The following MRTFB variants were observed in gnomAD, a reference collection of about 807,000 sequenced individuals.
The protein encoded by MRTFB is myocardin-related transcription factor B.
Under a neutral mutation model 104.2 loss-of-function variants are expected in MRTFB, and 29 were observed. The observed-to-expected ratio is 0.28, with a 90% CI of 0.21 to 0.38. The LOEUF (loss-of-function observed/expected upper bound fraction) is 0.38. MRTFB is among the 10% of genes least tolerant of loss of function. The probability of loss-of-function intolerance (pLI) is 1.00; values close to 1 mark genes in which losing one functional copy is unlikely to be tolerated. For synonymous variants in MRTFB, 535 were observed against 519.5 expected, an observed-to-expected ratio of 1.03 and a Z score of -0.41; for missense variants, 1,270 against 1,341.6, an observed-to-expected ratio of 0.95 and a Z score of 0.83.
intron 3 of MRTFB, among the ~76,000 whole-genome samples, chr16:14,154,685 C>CA (rs1269782887): frequency 1.3e-5 from 2 of 152,190 alleles, no homozygotes; most frequent in Non-Finnish European, 1.5e-5. Context: ...AGTCTGTAAT[C>CA]AGAGTGTCAG....
chr16:14,223,972 A>T (rs2151252753), intron 8 of MRTFB, among the ~76,000 whole-genome samples: 1 of 152,366 alleles, frequency 6.6e-6, no homozygotes, highest in Admixed American at 6.5e-5. Context: ...AAAGAGGTTT[A>T]ATTGACTAAC....
the MRTFB span, among the ~76,000 whole-genome samples, chr16:14,036,296 T>TTTTATA: frequency 1.0e-5 from 1 of 98,312 alleles, no homozygotes; most frequent in Non-Finnish European, 2.0e-5. Flanking sequence ...TTATATATAT[T>TTTTATA]TATATATATA....
chr16:14,129,299 A>G (rs2037320105), intron 2 of MRTFB, among the ~76,000 whole-genome samples: 1 of 150,884 alleles, frequency 6.6e-6, no homozygotes, highest in South Asian at 2.2e-4. Context: ...ACTTATTTAA[A>G]GTATAAAATT....
Position 14,173,964 on chromosome 16 carries a change from T to C in MRTFB, c.154+33204T>C, listed in dbSNP as rs2039501348. 2.0e-5 allele frequency among the ~76,000 whole-genome samples: 3 copies of C among 152,202 alleles called. No homozygotes were observed. In the South Asian group the frequency reaches 6.2e-4, roughly 31 times the overall value. On this transcript the variant is annotated intron_variant, in intron 3 of 16. Coordinates refer to ENST00000571589, the MANE Select transcript of MRTFB (RefSeq NM_001308142.2). ...TTTATGAGTTAATAGAAGATGTAAT[T>C]AATTTCAAGGTACACAATCCTTTTT...
the MRTFB span, among the ~76,000 whole-genome samples, chr16:13,999,505 A>C: frequency 1.3e-5 from 2 of 151,808 alleles, no homozygotes; most frequent in African/African-American, 4.8e-5. Context: ...TCTGGCAAAA[A>C]AAAAAAAAAG....
At chr16:14,001,013 T>G in the MRTFB span, among the ~76,000 whole-genome samples, 1 of 152,270 alleles carries the variant, frequency 6.6e-6, no homozygotes, top group African/African-American at 2.4e-5. Context: ...ATGTTGGAGC[T>G]TCCTGTGACA....
intron 16 of MRTFB, 50 bp downstream of exon 16, chr16:14,258,211 A>T (rs1211307466): frequency 1.4e-6 from 2 of 1,478,352 alleles, no homozygotes; most frequent in Admixed American, 1.7e-5. Context: ...CTCTTAACCC[A>T]AGTTCATGAA....
At chr16:14,135,309 A>C in intron 2 of MRTFB, among the ~76,000 whole-genome samples, 1 of 152,242 alleles carries the variant, frequency 6.6e-6, no homozygotes, top group African/African-American at 2.4e-5. Flanking sequence ...TCAATAGTAC[A>C]ATCATGCACC....
At chr16:14,127,925 A>AT (rs1194378476) in intron 2 of MRTFB, among the ~76,000 whole-genome samples, 65 of 38,388 alleles carry the variant, frequency 1.7e-3, no homozygotes, top group African/African-American at 3.7e-3. Context: ...ATATATATAT[A>AT]TATATTTTTT....
rs2041163724 is a variant in MRTFB, at chr16:14,210,893, AGTT to A, written c.220+589_220+591del. 2.0e-5 allele frequency among the ~76,000 whole-genome samples: 3 copies of A among 152,186 alleles called. No homozygotes were observed. In the East Asian group the frequency reaches 5.8e-4, roughly 29 times the overall value. ...TGATTAATTTTAGAATGTTTGTTCT[AGTT>A]GTTTCTTTACCTTTAGTCACCAAGT... On this transcript the variant is annotated intron_variant, in intron 4 of 16. Transcript: ENST00000571589.
At chr16:14,259,215 A>G (rs763704613) in intron 16 of MRTFB, among the ~76,000 whole-genome samples, 4 of 152,290 alleles carry the variant, frequency 2.6e-5, no homozygotes, top group Non-Finnish European at 4.4e-5. Context: ...CAGGTGGATC[A>G]CTTGAGGTCA....
At chr16:14,197,580 T>C (rs2040496446) in intron 3 of MRTFB, among the ~76,000 whole-genome samples, 1 of 152,196 alleles carries the variant, frequency 6.6e-6, no homozygotes, top group Non-Finnish European at 1.5e-5. Context: ...TTCTGTTTTC[T>C]TAGAAAATAG....
rs2043137382 is a variant in MRTFB at position 14,248,929 on chromosome 16, T to A, written c.2251T>A (p.Ser751Thr). ...TTTTTTTCAATTCACCTCCTAGACT[T>A]CACCACAAGCAGGAATGCAGACTCA... ...LPVGSLKLQT[S>T]PQAGMQTQPQ... is the part of the protein sequence containing the mutation. Residue 751 changes from serine to threonine, a missense_variant, in exon 13 of 17, where the codon TCA becomes ACA. Ser to Thr is a moderately conservative substitution (Grantham distance 58). Coordinates refer to ENST00000571589, the MANE Select transcript of MRTFB (RefSeq NM_001308142.2). 1 of 1,613,412 alleles carries A rather than the reference T, an allele frequency of 6.2e-7. No homozygotes were observed. Among genetic ancestry groups the A allele is most frequent in the Non-Finnish European group, 8.5e-7 (1 of 1,179,852 alleles).
the MRTFB span, among the ~76,000 whole-genome samples, chr16:14,005,659 G>A: frequency 6.6e-6 from 1 of 152,160 alleles, no homozygotes; most frequent in African/African-American, 2.4e-5. Flanking sequence ...CCAACTATGG[G>A]AAAGCATGTT....
At chr16:14,086,002 T>C (rs889152164) in intron 2 of MRTFB, among the ~76,000 whole-genome samples, 2 of 152,228 alleles carry the variant, frequency 1.3e-5, no homozygotes, top group Non-Finnish European at 2.9e-5. Flanking sequence ...TTATGTTTCA[T>C]AGTATAGACA....
chr16:14,073,599 T>A (rs1268497492), intron 1 of MRTFB, among the ~76,000 whole-genome samples: 1 of 152,216 alleles, frequency 6.6e-6, no homozygotes, highest in Non-Finnish European at 1.5e-5. Flanking sequence ...CCTGTGTCCC[T>A]CTGTCTGAAA....
At chr16:14,124,524 A>C (rs374416927) in intron 2 of MRTFB, among the ~76,000 whole-genome samples, 26 of 152,256 alleles carry the variant, frequency 1.7e-4, no homozygotes, top group East Asian at 1.3e-3. Flanking sequence ...TGAGATAATC[A>C]TGTGGTTTTT....
chr16:14,082,728 G>A (rs142871489), intron 2 of MRTFB, among the ~76,000 whole-genome samples: 9 of 152,248 alleles, frequency 5.9e-5, no homozygotes, highest in African/African-American at 2.2e-4. Context: ...GCAGTGAGCT[G>A]TGTGATCGTA....
At chr16:14,034,801 A>G in the MRTFB span, among the ~76,000 whole-genome samples, 95 of 152,108 alleles carry the variant, frequency 6.2e-4, 1 homozygote, top group Non-Finnish European at 7.8e-4. Context: ...ATCCATTCAC[A>G]GGTACTGGGA....
Sources: gnomAD v4.1 joint callset for allele counts (sites outside exome capture counted in the v4.1 genomes callset) on GRCh38, gnomAD v4.1.1 for gene constraint, MANE v1.5 for transcripts, NCBI Gene and HGNC (gene_info 2026-07-23, HGNC 2026-07-21) for gene names.